The following ANO3 variants were observed in gnomAD, a reference collection of about 807,000 sequenced individuals.
ANO3 encodes anoctamin-3.
A neutral mutation model predicts 144.8 loss-of-function variants in ANO3; 99 were observed. The ratio of observed to expected loss-of-function variants is 0.68; its 90% CI spans 0.58 to 0.81. ANO3 has a LOEUF of 0.81. ANO3 is among the 30% of genes least tolerant of loss of function. The probability of loss-of-function intolerance (pLI) is 0.00; values close to 1 mark genes in which losing one functional copy is unlikely to be tolerated. For missense variants in ANO3, 905 were observed against 1,202.2 expected (o/e 0.75, Z 3.66); for synonymous variants, 414 against 392.6 (o/e 1.05, Z -0.64).
intron 14 of ANO3, among the ~76,000 whole-genome samples, chr11:26,590,761 G>A (rs1383846155): frequency 6.6e-6 from 1 of 152,236 alleles, no homozygotes; most frequent in Non-Finnish European, 1.5e-5. Flanking sequence ...CAGGAGCACA[G>A]CGGACACCCT....
At chr11:26,193,136 C>CTTTTTTTT (rs34069836) in intron 1 of ANO3, among the ~76,000 whole-genome samples, 3 of 82,570 alleles carry the variant, frequency 3.6e-5, no homozygotes, top group Non-Finnish European at 6.6e-5. Flanking sequence ...TTTTGCCTAT[C>CTTTTTTTT]TTTTTTTTTT....
intron 3 of ANO3, among the ~76,000 whole-genome samples, chr11:26,461,062 G>C (rs1859375779): frequency 6.6e-6 from 1 of 151,924 alleles, no homozygotes; most frequent in African/African-American, 2.4e-5. Flanking sequence ...AACCAATGGT[G>C]AAAATGATGG....
chr11:26,513,042 C>G (rs1023579216), intron 5 of ANO3, among the ~76,000 whole-genome samples: 1 of 150,426 alleles, frequency 6.6e-6, no homozygotes, highest in African/African-American at 2.5e-5. Flanking sequence ...ATTTACAGAG[C>G]AAATGAAAGT....
Position 26,529,786 on chromosome 11 carries a change from C to G in ANO3, c.738-1419C>G, listed in dbSNP as rs1489581131. 5.3e-5 allele frequency among the ~76,000 whole-genome samples: 8 copies of G among 152,000 alleles called. No homozygotes were observed. In the East Asian group the frequency reaches 1.6e-3, roughly 30 times the overall value. On this transcript the variant is annotated intron_variant, in intron 7 of 26. Coordinates refer to ENST00000256737, the MANE Select transcript of ANO3 (RefSeq NM_031418.4). The stretch of plus-strand genomic sequence containing the variant: ...CAGAGTCCATCTCTGGAGTCAATAG[C>G]TTTCTTCTGTTTCTATTTTCTTTGT...
chr11:26,364,019 A>G (rs1449330686), intron 1 of ANO3, among the ~76,000 whole-genome samples: 2 of 152,148 alleles, frequency 1.3e-5, no homozygotes, highest in African/African-American at 4.8e-5. Context: ...AGGGTACATT[A>G]ATTTGTGATA....
At chr11:26,388,267 C>T (rs1179826644) in intron 1 of ANO3, among the ~76,000 whole-genome samples, 1 of 151,410 alleles carries the variant, frequency 6.6e-6, no homozygotes. Flanking sequence ...TAGATGAACC[C>T]TTTAAAATAA....
chr11:26,326,229 C>A (rs1854879746), intron 1 of ANO3, among the ~76,000 whole-genome samples: 1 of 151,916 alleles, frequency 6.6e-6, no homozygotes, highest in African/African-American at 2.4e-5. Context: ...CTGTCCAAAC[C>A]AGCACACTTT....
At position 26,534,449 on chromosome 11, in the gene ANO3, T is replaced by C. The variant is rs138437878; in HGVS notation, c.870-7T>C. 816 of 1,595,414 alleles carry C rather than the reference T, an allele frequency of 5.1e-4. 4 individuals are homozygous for C. The African/African-American group carries it at 6.4e-3, about 13-fold the overall frequency. Reference sequence around the variant, plus strand: ...TGAATATTAAACCAATCCCCTCATCTTAACAGCTTCATAATAAATAATAAA... The same window carrying C: ...TGAATATTAAACCAATCCCCTCATCCTAACAGCTTCATAATAAATAATAAA... On this transcript the variant is annotated splice_region_variant and splice_polypyrimidine_tract_variant and intron_variant, in intron 8 of 26. Coordinates refer to ENST00000256737, the MANE Select transcript of ANO3 (RefSeq NM_031418.4).
At chr11:26,643,391 T>C (rs952983661) in intron 23 of ANO3, 57 bp downstream of exon 23, 1 of 1,589,832 alleles carries the variant, frequency 6.3e-7, no homozygotes, top group African/African-American at 1.3e-5. Flanking sequence ...GTTGCTATGG[T>C]TTGAGTGTGC....
At chr11:26,301,486 T>G (rs1050227623) in intron 1 of ANO3, among the ~76,000 whole-genome samples, 11 of 152,232 alleles carry the variant, frequency 7.2e-5, no homozygotes, top group Non-Finnish European at 1.0e-4. Context: ...TGAACACCTT[T>G]GTACTGTTTT....
In ANO3 at chr11:26,465,148, G is replaced by C. The variant is rs1041102136; in HGVS notation, c.432+2000G>C. Reference sequence around the variant, plus strand: ...ATTGTGTGTGTGTGTGTGTGTGTGTGTGTGTGTGTGTGTCTGTGTGTGAAT... The same window carrying C: ...ATTGTGTGTGTGTGTGTGTGTGTGTCTGTGTGTGTGTGTCTGTGTGTGAAT... On this transcript the variant is annotated intron_variant, in intron 4 of 26. Coordinates refer to ENST00000256737, the MANE Select transcript of ANO3 (RefSeq NM_031418.4). Among the ~76,000 whole-genome samples the C allele has an allele frequency of 2.2e-3, 324 of 149,308 alleles. 1 individual carries two copies. The highest frequency in any genetic ancestry group is 7.7e-3 in the African/African-American group (305 of 39,746).
At chr11:26,575,450 G>T (rs540865338) in intron 14 of ANO3, among the ~76,000 whole-genome samples, 2 of 151,750 alleles carry the variant, frequency 1.3e-5, no homozygotes, top group African/African-American at 4.8e-5. Flanking sequence ...AGTAGAAATT[G>T]GATGGAAATA....
At chr11:26,530,195 G>T (rs1429291766) in intron 7 of ANO3, among the ~76,000 whole-genome samples, 1 of 152,144 alleles carries the variant, frequency 6.6e-6, no homozygotes, top group East Asian at 1.9e-4. Context: ...CTCCAGCAAA[G>T]TCAGCATTAC....
At position 26,252,223 on chromosome 11, in the gene ANO3, T is replaced by G. The variant is rs576081182; in HGVS notation, c.155-57422T>G. Among the ~76,000 whole-genome samples, 5 of 152,350 alleles carry G rather than the reference T, an allele frequency of 3.3e-5. No homozygotes were observed. The East Asian group carries it at 9.6e-4, about 29-fold the overall frequency. On this transcript the variant is annotated intron_variant, in intron 1 of 27. Transcript: ENST00000672621. ...TTAAATGACATATTTGTTTTGTAAC[T>G]GACTTAGTCTGATTCTAGAGTATAA...
Position 26,422,561 on chromosome 11 carries a change from T to A in ANO3, c.47-19357T>A, listed in dbSNP as rs78149938. On this transcript the variant is annotated intron_variant, in intron 1 of 26. Coordinates refer to ENST00000256737, the MANE Select transcript of ANO3 (RefSeq NM_031418.4). The stretch of plus-strand genomic sequence containing the variant: ...AATGTTACTTTAGGAAAATCTGTTC[T>A]GCATGTAAGAAAGGACACATTTCCT... Among the ~76,000 whole-genome samples, 31 of 152,144 alleles carry A rather than the reference T, an allele frequency of 2.0e-4. No individual in the cohort carries two copies. In the East Asian group the frequency reaches 5.8e-3, roughly 28 times the overall value.
At chr11:26,441,140 C>T (rs1161921249) in intron 1 of ANO3, among the ~76,000 whole-genome samples, 4 of 63,116 alleles carry the variant, frequency 6.3e-5, no homozygotes, top group Non-Finnish European at 1.1e-4. Context: ...TTTTTTGAGA[C>T]GGAGTCTCGC....
chr11:26,631,858 A>G (rs1852790733), intron 18 of ANO3, among the ~76,000 whole-genome samples: 1 of 152,080 alleles, frequency 6.6e-6, no homozygotes, highest in Non-Finnish European at 1.5e-5. Context: ...AGAACTGAAA[A>G]ATCCATAGCC....
At chr11:26,524,278 C>T (rs577173029) in intron 6 of ANO3, among the ~76,000 whole-genome samples, 1 of 152,094 alleles carries the variant, frequency 6.6e-6, no homozygotes, top group Admixed American at 6.5e-5. Context: ...GTGTGAGTTT[C>T]GGATAGATAT....
chr11:26,438,904 G>T (rs1858408349), intron 1 of ANO3, among the ~76,000 whole-genome samples: 1 of 152,030 alleles, frequency 6.6e-6, no homozygotes, highest in African/African-American at 2.4e-5. Context: ...GAGAACAAAA[G>T]TAAAGAACTC....
Sources: allele counts gnomAD v4.1 joint callset (sites outside exome capture counted in the v4.1 genomes callset), GRCh38; gene constraint gnomAD v4.1.1; transcripts MANE v1.5; gene names NCBI Gene and HGNC (gene_info 2026-07-23, HGNC 2026-07-21).